The following MYO19 variants were observed in gnomAD, a reference collection of about 807,000 sequenced individuals.
MYO19 encodes unconventional myosin-XIX.
A neutral mutation model predicts 129.2 loss-of-function variants in MYO19; 132 were observed. The ratio of observed to expected loss-of-function variants is 1.02; its 90% CI spans 0.89 to 1.18. The LOEUF (loss-of-function observed/expected upper bound fraction) is 1.18. MYO19 is among the 50% of genes most tolerant of loss of function. MYO19 has a pLI of 0.00. For missense variants in MYO19, 1,210 were observed against 1,216.7 expected (o/e 0.99, Z 0.08); for synonymous variants, 531 against 477.2 (o/e 1.11, Z -1.47).
intron 6 of MYO19, among the ~76,000 whole-genome samples, chr17:36,519,651 AAAG>A (rs1008766918): frequency 1.3e-5 from 2 of 152,040 alleles, no homozygotes; most frequent in Admixed American, 6.6e-5. Context: ...AAAAAAAAAA[AAAG>A]ATTTTACATC....
Position 36,515,158 on chromosome 17 carries a change from T to A in MYO19, c.572A>T (p.Asn191Ile). 6.2e-7 allele frequency: 1 copy of A among 1,612,914 alleles called. No individual in the cohort carries two copies. Among genetic ancestry groups the A allele is most frequent in the Non-Finnish European group, 8.5e-7 (1 of 1,179,488 alleles). Residue 191 changes from asparagine to isoleucine, a missense_variant, in exon 8 of 26, where the codon AAC (asparagine) becomes ATC (isoleucine). By Grantham distance (149) the Asn-to-Ile change is moderately radical. Coordinates refer to ENST00000614623, the MANE Select transcript of MYO19 (RefSeq NM_001163735.2). ...GAACTTCCCAAAGCGACTGCTGTTG[T>A]TATTCCTCAGTGTACACGCATTCCC... ...AFGNACTLRN[N>I]NSSRFGKFIQ... is the part of the protein sequence containing the mutation.
chr17:36,537,612 G>GT (rs1255315606), upstream of MYO19: 3 of 1,614,054 alleles, frequency 1.9e-6, no homozygotes, highest in Non-Finnish European at 8.5e-7. Context: ...GGATTTTGGA[G>GT]TAGGTGGCTT....
rs1373388897 is a variant in MYO19 at position 36,510,624 on chromosome 17, C to A, written c.1157+122G>T. 4 of 1,093,218 alleles carry A rather than the reference C, an allele frequency of 3.7e-6. No homozygotes were observed. The East Asian group carries it at 7.9e-5, about 22-fold the overall frequency. The allele number at this position is 1,093,218 out of a possible 1,614,324, so 67.7% of individuals were successfully genotyped here. A position where few individuals can be genotyped will look rare whatever the true frequency, so the allele number is the denominator to read the frequency against. On this transcript the variant is annotated intron_variant, in intron 13 of 25. Coordinates refer to ENST00000614623, the MANE Select transcript of MYO19 (RefSeq NM_001163735.2). ...GGGGTTTGAGGAGCAGGGAGAGGAA[C>A]CAGTCTGTCTTATCTCCCACCCTGG... is the stretch of plus-strand genomic sequence containing the variant.
At chr17:36,531,288 G>A (rs544595067) in intron 3 of MYO19, among the ~76,000 whole-genome samples, 51 of 151,154 alleles carry the variant, frequency 3.4e-4, no homozygotes, top group Non-Finnish European at 5.5e-4. Flanking sequence ...CCAACTACTC[G>A]GGAGGCTGAG....
Position 36,511,391 on chromosome 17 carries a change from G to C in MYO19, c.959C>G (p.Pro320Arg), listed in dbSNP as rs1295624232. 6.3e-7 allele frequency: 1 copy of C among 1,577,550 alleles called. No individual in the cohort carries two copies. Among genetic ancestry groups the C allele is most frequent in the Admixed American group, 1.8e-5 (1 of 54,558 alleles). ...CTTGGCATCATCCATCGGCTGGCAG[G>C]GCTGGGCTTCATCCTCGGAGGCAGC... ...QFAASEDEAQ[P>R]CQPMDDAKYS... Residue 320 changes from proline (P) to arginine (R), a missense_variant, in exon 12 of 26, where the codon CCC (proline) becomes CGC (arginine). Transcript: ENST00000614623.
chr17:36,530,120 G>C (rs1019720197), intron 3 of MYO19, among the ~76,000 whole-genome samples: 1 of 151,060 alleles, frequency 6.6e-6, no homozygotes, highest in Admixed American at 6.6e-5. Context: ...CCAGCACTTA[G>C]GGAGGCCAAG....
chr17:36,502,398 C>T (rs2071595294), intron 21 of MYO19, among the ~76,000 whole-genome samples: 1 of 152,164 alleles, frequency 6.6e-6, no homozygotes, highest in Admixed American at 6.5e-5. Context: ...TCCTCACTTC[C>T]CAGGCTAAGT....
upstream of MYO19, among the ~76,000 whole-genome samples, chr17:36,544,167 T>A (rs2074220426): frequency 6.6e-6 from 1 of 152,252 alleles, no homozygotes. Context: ...AGGGAGTACC[T>A]GCTCACATTA....
At chr17:36,511,553 G>C in intron 11 of MYO19, 98 bp from the exon 12 acceptor site, 2 of 1,074,380 alleles carry the variant, frequency 1.9e-6, no homozygotes, top group Non-Finnish European at 2.8e-6. Flanking sequence ...GACAGCAGAA[G>C]GGCAGCTCCC....
Position 36,501,198 on chromosome 17 carries a change from A to C in MYO19, c.2118T>G (p.Pro706=). The stretch of plus-strand genomic sequence containing the variant: ...GAGTGTGGAGAATGTCCTGGATGAG[A>C]GGTTCAAGCGTGGCTTCCTCGCTGT... ...CPHSEEATLE[P]LIQDILHTLP... The change falls in exon 22 of 26, where the codon CCT becomes CCG. Residue 706 remains proline, a synonymous_variant. Transcript: ENST00000614623. 6.2e-7 allele frequency: 1 copy of C among 1,613,846 alleles called. No individual in the cohort carries two copies.
At chr17:36,541,187 C>T (rs976713009) in intron 2 of MYO19, among the ~76,000 whole-genome samples, 1 of 152,112 alleles carries the variant, frequency 6.6e-6, no homozygotes, top group African/African-American at 2.4e-5. Flanking sequence ...CCTCGTGATC[C>T]GCCTGCCTCG....
chr17:36,515,790 C>T (rs2072705348), intron 7 of MYO19, 68 bp downstream of exon 7: 5 of 1,546,408 alleles, frequency 3.2e-6, no homozygotes, highest in Non-Finnish European at 4.4e-6. Context: ...CACTGTCCCT[C>T]TCCCTGGAAG....
At chr17:36,530,530 C>G (rs931674649) in intron 3 of MYO19, among the ~76,000 whole-genome samples, 4 of 145,518 alleles carry the variant, frequency 2.7e-5, no homozygotes, top group African/African-American at 7.6e-5. Flanking sequence ...GATCTCGACT[C>G]ACTGCAAGCT....
upstream of MYO19, chr17:36,537,465 G>A (rs1332598080): frequency 1.2e-6 from 2 of 1,614,152 alleles, no homozygotes; most frequent in South Asian, 1.1e-5. Flanking sequence ...CATCAGTCTA[G>A]AATCAGAATA....
chr17:36,508,806 G>A (rs912444305), intron 14 of MYO19: 25 of 515,652 alleles, frequency 4.8e-5, no homozygotes, highest in Non-Finnish European at 5.9e-5. Flanking sequence ...TCTCTGGGGA[G>A]GTAAAGGGCT....
chr17:36,521,960 G>A (rs949453098), intron 6 of MYO19, among the ~76,000 whole-genome samples: 7 of 150,784 alleles, frequency 4.6e-5, no homozygotes, highest in African/African-American at 1.5e-4. Context: ...GAACCCGGGA[G>A]GCGGAGGTTG....
Position 36,513,517 on chromosome 17 carries a change from T to C in MYO19, c.818-12A>G, listed in dbSNP as rs2072515852. On this transcript the variant is annotated splice_polypyrimidine_tract_variant and intron_variant, in intron 10 of 25. Transcript: ENST00000614623. ...CTCAAAACAATCCTCTGAAAAAGAATCCAAGTTCGGGGCAGAGGTCAGCAG... is the reference window on the plus strand; with the variant it reads ...CTCAAAACAATCCTCTGAAAAAGAACCCAAGTTCGGGGCAGAGGTCAGCAG... 1.2e-6 allele frequency: 2 copies of C among 1,613,720 alleles called. No homozygotes were observed. Among genetic ancestry groups the C allele is most frequent in the African/African-American group, 2.7e-5 (2 of 74,902 alleles).
At position 36,501,240 on chromosome 17, in the gene MYO19, G is replaced by A. The variant is rs998061253; in HGVS notation, c.2081-5C>T. 1 of 1,607,344 alleles carries A rather than the reference G, an allele frequency of 6.2e-7. No homozygotes were observed. Among genetic ancestry groups the A allele is most frequent in the Non-Finnish European group, 8.5e-7 (1 of 1,176,008 alleles). On this transcript the variant is annotated splice_region_variant and splice_polypyrimidine_tract_variant and intron_variant, in intron 21 of 25. Transcript: ENST00000614623. ...CCTCGCTGTGTGGACACCATTCTGG[G>A]GGAGGGAGATGGCCCCATCAGTGCA...
chr17:36,498,105 C>A (rs938517166), intron 25 of MYO19, 161 bp downstream of exon 25: 3 of 693,914 alleles, frequency 4.3e-6, no homozygotes, highest in African/African-American at 1.8e-5. Flanking sequence ...AATAAATAAT[C>A]CAAACCTGCA....
Sources: gnomAD v4.1 joint callset for allele counts (sites outside exome capture counted in the v4.1 genomes callset) on GRCh38, gnomAD v4.1.1 for gene constraint, MANE v1.5 for transcripts, NCBI Gene and HGNC (gene_info 2026-07-23, HGNC 2026-07-21) for gene names.